HS6ST3: variants seen among roughly 807,000 people sequenced by gnomAD.
HS6ST3 encodes the protein heparan sulfate 6-O-sulfotransferase 3.
A neutral mutation model predicts 36.7 loss-of-function variants in HS6ST3; 12 were observed. The observed-to-expected ratio is 0.33, with a 90% CI of 0.21 to 0.53. The LOEUF (loss-of-function observed/expected upper bound fraction) is 0.53. Ranked by LOEUF, HS6ST3 falls within the 20% of genes least tolerant of loss-of-function variation. HS6ST3 has a pLI of 0.95. For missense variants in HS6ST3, 584 were observed against 640.9 expected, an observed-to-expected ratio of 0.91 and a Z score of 0.96; for synonymous variants, 240 against 257.5, an observed-to-expected ratio of 0.93 and a Z score of 0.65.
intron 1 of HS6ST3, among the ~76,000 whole-genome samples, chr13:96,504,973 C>T (rs544039212): frequency 6.6e-6 from 1 of 152,272 alleles, no homozygotes; most frequent in East Asian, 1.9e-4. Flanking sequence ...GGAACTATTA[C>T]CCTAGATGAG....
At chr13:96,737,625 C>A (rs1348874449) in intron 1 of HS6ST3, among the ~76,000 whole-genome samples, 2 of 106,112 alleles carry the variant, frequency 1.9e-5, no homozygotes, top group Non-Finnish European at 3.7e-5. Flanking sequence ...GAGCGAGACT[C>A]CGTCTCAAAA....
intron 1 of HS6ST3, among the ~76,000 whole-genome samples, chr13:96,306,283 TA>T (rs1240329338): frequency 6.6e-6 from 1 of 151,986 alleles, no homozygotes; most frequent in Non-Finnish European, 1.5e-5. Context: ...TTTGTATTTT[TA>T]GTAGAGACGG....
chr13:96,333,363 C>A (rs1284946469), intron 1 of HS6ST3, among the ~76,000 whole-genome samples: 1 of 152,090 alleles, frequency 6.6e-6, no homozygotes, highest in Non-Finnish European at 1.5e-5. Flanking sequence ...GTGTTCTTTC[C>A]TGGAAGATCA....
intron 1 of HS6ST3, among the ~76,000 whole-genome samples, chr13:96,250,057 A>G (rs1046918431): frequency 6.6e-6 from 1 of 152,206 alleles, no homozygotes; most frequent in Non-Finnish European, 1.5e-5. Context: ...ATGCCACTGA[A>G]CTGTAACACT....
chr13:96,792,203 T>C (rs113876431), intron 1 of HS6ST3, among the ~76,000 whole-genome samples: 78 of 152,172 alleles, frequency 5.1e-4, no homozygotes, highest in African/African-American at 1.6e-3. Context: ...GAAAAGAGAT[T>C]GCCCATGGTT....
At chr13:96,245,913 T>C (rs2054582897) in intron 1 of HS6ST3, among the ~76,000 whole-genome samples, 1 of 152,062 alleles carries the variant, frequency 6.6e-6, no homozygotes, top group African/African-American at 2.4e-5. Context: ...CCTGGGATAA[T>C]AGGGAATATA....
intron 1 of HS6ST3, among the ~76,000 whole-genome samples, chr13:96,382,361 G>A (rs2055345659): frequency 6.6e-6 from 1 of 152,096 alleles, no homozygotes; most frequent in East Asian, 1.9e-4. Context: ...TTAAATGAAT[G>A]GGTCTTATTA....
chr13:96,126,468 CAG>C (rs1203465956), intron 1 of HS6ST3, among the ~76,000 whole-genome samples: 1 of 152,102 alleles, frequency 6.6e-6, no homozygotes, highest in Non-Finnish European at 1.5e-5. Flanking sequence ...TAAAGAAAGG[CAG>C]AGTTATTAGA....
chr13:96,195,562 G>A (rs1053654024), intron 1 of HS6ST3, among the ~76,000 whole-genome samples: 1 of 152,116 alleles, frequency 6.6e-6, no homozygotes, highest in African/African-American at 2.4e-5. Flanking sequence ...CTATGTGTGG[G>A]ACTCTATTGC....
chr13:96,466,142 G>A (rs539133707), intron 1 of HS6ST3, among the ~76,000 whole-genome samples: 4 of 152,044 alleles, frequency 2.6e-5, no homozygotes, highest in Non-Finnish European at 4.4e-5. Context: ...TGAGCTAGGC[G>A]TGGTGGTGCT....
chr13:96,503,434 C>T (rs1285366237), intron 1 of HS6ST3, among the ~76,000 whole-genome samples: 2 of 152,070 alleles, frequency 1.3e-5, no homozygotes, highest in African/African-American at 2.4e-5. Flanking sequence ...ATTTCATTAA[C>T]AAGGAAAGGA....
intron 1 of HS6ST3, among the ~76,000 whole-genome samples, chr13:96,162,832 G>T (rs1298222934): frequency 6.6e-6 from 1 of 151,842 alleles, no homozygotes; most frequent in Admixed American, 6.6e-5. Flanking sequence ...GTTTATATTT[G>T]ATATGTTAAT....
At chr13:96,823,732 AC>A (rs1878587431) in intron 1 of HS6ST3, among the ~76,000 whole-genome samples, 1 of 151,588 alleles carries the variant, frequency 6.6e-6, no homozygotes, top group Non-Finnish European at 1.5e-5. Context: ...CAATTCTCCT[AC>A]CTCAGCCTCC....
chr13:96,683,109 C>T (rs141507760), intron 1 of HS6ST3, among the ~76,000 whole-genome samples: 30 of 152,148 alleles, frequency 2.0e-4, no homozygotes, highest in Admixed American at 1.9e-3. Context: ...ATCTGCTTAT[C>T]CTTCTTAATA....
chr13:96,197,172 C>T (rs2054318459), intron 1 of HS6ST3, among the ~76,000 whole-genome samples: 1 of 152,158 alleles, frequency 6.6e-6, no homozygotes, highest in African/African-American at 2.4e-5. Context: ...TAAAGACATA[C>T]CCGAGACTGG....
intron 1 of HS6ST3, among the ~76,000 whole-genome samples, chr13:96,795,557 G>C (rs1877889362): frequency 6.6e-6 from 1 of 151,980 alleles, no homozygotes; most frequent in Non-Finnish European, 1.5e-5. Context: ...CTATTACATT[G>C]GTGATTCTAT....
At chr13:96,699,251 G>A (rs917260635) in intron 1 of HS6ST3, among the ~76,000 whole-genome samples, 1 of 152,132 alleles carries the variant, frequency 6.6e-6, no homozygotes, top group African/African-American at 2.4e-5. Context: ...TTGACAAATG[G>A]GATCTAACTA....
intron 1 of HS6ST3, among the ~76,000 whole-genome samples, chr13:96,485,637 A>G (rs1019860852): frequency 1.2e-4 from 19 of 152,200 alleles, no homozygotes; most frequent in Non-Finnish European, 2.8e-4. Context: ...GAGAGGGGAC[A>G]TGATTATCAT....
chr13:96,541,720 C>T (rs2138942416), intron 1 of HS6ST3, among the ~76,000 whole-genome samples: 1 of 152,276 alleles, frequency 6.6e-6, no homozygotes, highest in African/African-American at 2.4e-5. Flanking sequence ...CTTCCCCCAG[C>T]CAACTGATAC....
Sources: allele counts gnomAD v4.1 joint callset (sites outside exome capture counted in the v4.1 genomes callset), GRCh38; gene constraint gnomAD v4.1.1; transcripts MANE v1.5; gene names NCBI Gene and HGNC (gene_info 2026-07-23, HGNC 2026-07-21).